API5: variants seen among roughly 807,000 people sequenced by gnomAD.
API5 encodes FIF.
Under a neutral mutation model 71.9 loss-of-function variants are expected in API5, and 6 were observed. That is an observed-to-expected ratio of 0.08 (90% CI 0.05 to 0.16). The LOEUF is 0.16. Ranked by LOEUF, API5 falls within the 10% of genes least tolerant of loss-of-function variation. The pLI is 1.00. For synonymous variants in API5, 189 were observed against 221.3 expected (o/e 0.85, Z 1.30); for missense variants, 332 against 612.8 (o/e 0.54, Z 4.84).
chr11:43,312,633 G>T (rs1854519264), intron 1 of API5, among the ~76,000 whole-genome samples: 2 of 152,122 alleles, frequency 1.3e-5, no homozygotes, highest in African/African-American at 4.8e-5. Flanking sequence ...AATTGAAGAA[G>T]AGTGTTTAGG....
Position 43,312,140 on chromosome 11 carries a change from G to A in API5, c.13G>A (p.Glu5Lys), listed in dbSNP as rs1163919614. MPTV[E>K]ELYRNYGILA... ...CTTGTCGCTCACCATGCCGACAGTA[G>A]AGGAGCTTTACCGCAATTATGGCAT... is the stretch of plus-strand genomic sequence containing the variant. Residue 5 changes from glutamate (E) to lysine (K), a missense_variant, in exon 1 of 14, where the codon GAG (glutamate) becomes AAG (lysine). This residue lies in a region of API5 where 127 missense variants were observed against 237.6 expected (regional missense o/e 0.53). Transcript: ENST00000531273. 1 of 1,613,906 alleles carries A rather than the reference G, an allele frequency of 6.2e-7. No individual in the cohort carries two copies. The highest frequency in any genetic ancestry group is 1.1e-5 in the South Asian group (1 of 91,080).
rs1373178234 is a variant in API5 at position 43,335,268 on chromosome 11, G to C, written c.1279-10G>C. On this transcript the variant is annotated splice_polypyrimidine_tract_variant and intron_variant, in intron 11 of 13. Coordinates refer to ENST00000531273, the MANE Select transcript of API5 (RefSeq NM_001142930.2). Reference sequence around the variant, plus strand: ...ACATTAGAATTCTTGCCTGATTTCTGTCTCTGCAGGATCTCTTCCACATTC... The same window carrying C: ...ACATTAGAATTCTTGCCTGATTTCTCTCTCTGCAGGATCTCTTCCACATTC... 1 of 1,592,192 alleles carries C rather than the reference G, an allele frequency of 6.3e-7. No homozygotes were observed. Among genetic ancestry groups the C allele is most frequent in the African/African-American group, 1.3e-5 (1 of 74,364 alleles).
intron 13 of API5, chr11:43,340,190 G>T: frequency 2.9e-6 from 1 of 340,152 alleles, no homozygotes; most frequent in Non-Finnish European, 5.7e-6. Context: ...ATTTATAATA[G>T]CTGTGAAAAA....
intron 5 of API5, 26 bp from the exon 6 acceptor site, chr11:43,323,404 C>T (rs765804099): frequency 1.3e-6 from 2 of 1,576,074 alleles, no homozygotes; most frequent in African/African-American, 2.7e-5. Flanking sequence ...TGAACATACT[C>T]TTATTCTGAA....
In API5 at chr11:43,335,845, C is replaced by A. The variant is rs754923157; in HGVS notation, c.1356-13C>A. 3 of 1,591,304 alleles carry A rather than the reference C, an allele frequency of 1.9e-6. No individual in the cohort carries two copies. The African/African-American group carries it at 4.1e-5, about 22-fold the overall frequency. On this transcript the variant is annotated splice_polypyrimidine_tract_variant and intron_variant, in intron 12 of 13. Transcript: ENST00000531273. ...AGAATGTTTTTGAATTGCTCTTCTTCCTATTGTTACAGGCAAAAGAGAGCC... is the reference window on the plus strand; with the variant it reads ...AGAATGTTTTTGAATTGCTCTTCTTACTATTGTTACAGGCAAAAGAGAGCC...
intron 13 of API5, chr11:43,339,363 AAAACC>A (rs1209816352): frequency 6.6e-6 from 1 of 152,228 alleles, no homozygotes; most frequent in Non-Finnish European, 1.5e-5. Context: ...CAAAAACAGC[AAAACC>A]AAGCTCTCTC....
At chr11:43,322,624 G>A (rs370339264) in intron 5 of API5, among the ~76,000 whole-genome samples, 10 of 152,162 alleles carry the variant, frequency 6.6e-5, no homozygotes, top group South Asian at 2.1e-4. Context: ...GGCAAGGTGC[G>A]TCACAATTAA....
intron 13 of API5, among the ~76,000 whole-genome samples, chr11:43,336,408 TATACTCCC>T (rs1855435504): frequency 6.6e-6 from 1 of 152,342 alleles, no homozygotes; most frequent in African/African-American, 2.4e-5. Context: ...GCCTGCTGCC[TATACTCCC>T]ATCTTCTGTA....
chr11:43,339,028 T>C (rs929181612), intron 13 of API5, among the ~76,000 whole-genome samples: 14 of 152,298 alleles, frequency 9.2e-5, no homozygotes, highest in Non-Finnish European at 1.6e-4. Flanking sequence ...AGAAACCACC[T>C]CTGATTTTCT....
chr11:43,312,026 A>T lies in API5; in HGVS notation c.-102A>T. On this transcript the variant is annotated 5_prime_UTR_variant, in exon 1 of 14. Coordinates refer to ENST00000531273, the MANE Select transcript of API5 (RefSeq NM_001142930.2). Reference sequence around the variant, plus strand: ...TGGCGGCTGCACTGGCGGCAGCTGGAGGTGTAATAGTGCGGGTAGTGGGTT... The same window carrying T: ...TGGCGGCTGCACTGGCGGCAGCTGGTGGTGTAATAGTGCGGGTAGTGGGTT... 1 of 1,286,414 alleles carries T rather than the reference A, an allele frequency of 7.8e-7. No individual in the cohort carries two copies. Among genetic ancestry groups the T allele is most frequent in the East Asian group, 2.5e-5 (1 of 40,112 alleles). 79.7% of individuals were successfully genotyped at this position (1,286,414 alleles called of 1,614,324 possible).
intron 1 of API5, among the ~76,000 whole-genome samples, chr11:43,316,682 G>C (rs531983556): frequency 1.3e-5 from 2 of 151,976 alleles, no homozygotes; most frequent in Admixed American, 1.3e-4. Context: ...GCAGTGGCGC[G>C]ACCACAGCTT....
intron 13 of API5, 138 bp from the exon 14 acceptor site, chr11:43,342,290 G>A: frequency 1.4e-6 from 1 of 693,168 alleles, no homozygotes. Context: ...GGCTAAATTT[G>A]TAGATTGAAT....
intron 1 of API5, among the ~76,000 whole-genome samples, chr11:43,318,091 C>G (rs1254224981): frequency 1.3e-5 from 2 of 152,132 alleles, no homozygotes; most frequent in East Asian, 3.9e-4. Context: ...CTCACTGCAA[C>G]CTCCGCTTCC....
rs374625952 is a variant in API5, at chr11:43,312,104, C to T, written c.-24C>T. On this transcript the variant is annotated 5_prime_UTR_variant, in exon 1 of 14. Transcript: ENST00000531273. The stretch of plus-strand genomic sequence containing the variant: ...CCGGTCAGGACAAGGATAGCGGAAC[C>T]GGGCCCTGGGCTTGTCGCTCACCAT... The T allele has an allele frequency of 9.3e-6, 15 of 1,612,836 alleles. No individual in the cohort carries two copies. The East Asian group carries it at 1.8e-4, about 19-fold the overall frequency.
Position 43,322,242 on chromosome 11 carries a change from A to G in API5, c.543+106A>G, listed in dbSNP as rs907875325. 8 of 1,120,486 alleles carry G rather than the reference A, an allele frequency of 7.1e-6. No individual in the cohort carries two copies. In the South Asian group the frequency reaches 8.1e-5, roughly 11 times the overall value. The allele number at this position is 1,120,486 out of a possible 1,614,324, so 69.4% of individuals were successfully genotyped here. ...GTGTGGCTTGTGTATAAAATGATATATCATATATCCCATTGGAACCACCAT... is the reference window on the plus strand; with the variant it reads ...GTGTGGCTTGTGTATAAAATGATATGTCATATATCCCATTGGAACCACCAT... On this transcript the variant is annotated intron_variant, in intron 5 of 13. Coordinates refer to ENST00000531273, the MANE Select transcript of API5 (RefSeq NM_001142930.2).
In API5 at chr11:43,327,902, TG is replaced by T. The variant is rs200389272; in HGVS notation, c.945+27del. 317 of 1,495,566 alleles carry T rather than the reference TG, an allele frequency of 2.1e-4. 1 individual carries two copies. In the African/African-American group the frequency reaches 3.1e-3, roughly 15 times the overall value. 92.6% of individuals were successfully genotyped at this position (1,495,566 alleles called of 1,614,324 possible). A position where few individuals can be genotyped will look rare whatever the true frequency, so the allele number is the denominator to read the frequency against. On this transcript the variant is annotated intron_variant, in intron 8 of 13. Transcript: ENST00000531273. ...TGGTAAGAACTTTTTCCTTTCCTTA[TG>T]GGATAGTCAGTATATAGCTCAAAGT...
chr11:43,333,841 G>T (rs1047056382), intron 11 of API5, among the ~76,000 whole-genome samples: 1 of 152,108 alleles, frequency 6.6e-6, no homozygotes, highest in Non-Finnish European at 1.5e-5. Flanking sequence ...GCCATGAGTC[G>T]GTTTCCAGGA....
intron 3 of API5, 132 bp downstream of exon 3, chr11:43,321,046 C>G (rs754383768): frequency 7.7e-5 from 55 of 710,876 alleles, no homozygotes; most frequent in Admixed American, 2.9e-4. Flanking sequence ...AAATTTCCTA[C>G]TTTCATTCAG....
Position 43,328,830 on chromosome 11 carries a change from G to A in API5, c.1064G>A (p.Arg355Gln), listed in dbSNP as rs372123869. The change falls in exon 9 of 14, where the codon CGA becomes CAA. Residue 355 changes from arginine (R) to glutamine (Q), a missense_variant. Arg to Gln is a conservative substitution (Grantham distance 43). Around this residue, in one of 3 missense-constraint regions of API5, gnomAD observed 168 missense variants for 343.9 expected, o/e 0.49. Coordinates refer to ENST00000531273, the MANE Select transcript of API5 (RefSeq NM_001142930.2). ...CLLYSFHQLG[R>Q]KLPDFLTAKL... is the part of the protein sequence containing the mutation. ...TTGTACAGTTTTCACCAGTTGGGCC[G>A]AAAACTTCCAGATTTCTTAACAGCC... 5 of 1,614,066 alleles carry A rather than the reference G, an allele frequency of 3.1e-6. No homozygotes were observed. The highest frequency in any genetic ancestry group is 3.3e-5 in the Admixed American group (2 of 59,994).
Sources: gnomAD v4.1 joint callset for allele counts (sites outside exome capture counted in the v4.1 genomes callset) on GRCh38, gnomAD v4.1.1 for gene constraint, gnomAD v4.1.1 regional missense constraint, MANE v1.5 for transcripts, NCBI Gene and HGNC (gene_info 2026-07-23, HGNC 2026-07-21) for gene names.